The following RXRA variants were observed in gnomAD, a reference collection of about 807,000 sequenced individuals.
RXRA encodes the protein retinoic acid receptor RXR-alpha.
In RXRA, 5 loss-of-function variants were observed where a neutral mutation model predicts 44.5. The observed-to-expected ratio is 0.11, with a 90% confidence interval of 0.06 to 0.24. RXRA has a LOEUF of 0.24. Ranked by LOEUF, RXRA falls within the 10% of genes least tolerant of loss-of-function variation. RXRA has a pLI of 1.00. For synonymous variants in RXRA, 291 were observed against 271.4 expected (o/e 1.07, Z -0.71); for missense variants, 412 against 646.5 (o/e 0.64, Z 3.93).
chr9:134,382,770 G>T (rs901423273), intron 1 of RXRA, among the ~76,000 whole-genome samples: 1 of 152,212 alleles, frequency 6.6e-6, no homozygotes, highest in Non-Finnish European at 1.5e-5. Flanking sequence ...CCGTCTCTGA[G>T]CTGGGAAGAC....
At chr9:134,356,891 G>T (rs181499394) in intron 1 of RXRA, among the ~76,000 whole-genome samples, 2 of 152,304 alleles carry the variant, frequency 1.3e-5, no homozygotes, top group Admixed American at 6.5e-5. Flanking sequence ...CTGGTAGAAA[G>T]TGTCTCCCGA....
chr9:134,425,899 T>C, intron 6 of RXRA: 1 of 985,364 alleles, frequency 1.0e-6, no homozygotes, highest in Non-Finnish European at 1.2e-6. Context: ...TCCCTTGTGC[T>C]GCGGAAGTGG....
At chr9:134,379,870 C>A in intron 1 of RXRA, 1 of 985,288 alleles carries the variant, frequency 1.0e-6, no homozygotes, top group Non-Finnish European at 1.2e-6. Flanking sequence ...CTGGCCTTGG[C>A]GGCTCCAGCC....
chr9:134,361,856 G>T (rs1246937073), intron 1 of RXRA, among the ~76,000 whole-genome samples: 2 of 152,202 alleles, frequency 1.3e-5, no homozygotes, highest in East Asian at 3.9e-4. Context: ...CCAGGTAGGG[G>T]TTTCAGTGCT....
chr9:134,339,085 CG>C (rs1226892053), intron 1 of RXRA, among the ~76,000 whole-genome samples: 4 of 150,718 alleles, frequency 2.7e-5, no homozygotes, highest in African/African-American at 9.8e-5. Context: ...TGCCTGGTGT[CG>C]GGGCAGGGCT....
intron 6 of RXRA, chr9:134,425,640 G>A: frequency 1.0e-6 from 1 of 984,410 alleles, no homozygotes; most frequent in Non-Finnish European, 1.2e-6. Flanking sequence ...GGCTTAGGTA[G>A]CAGGCCCAAG....
At chr9:134,412,388 T>C (rs994417855) in intron 4 of RXRA, among the ~76,000 whole-genome samples, 1 of 152,220 alleles carries the variant, frequency 6.6e-6, no homozygotes, top group African/African-American at 2.4e-5. Context: ...AGTGCAGTGC[T>C]GCGAGGGAGT....
intron 4 of RXRA, among the ~76,000 whole-genome samples, chr9:134,415,422 C>A (rs911825596): frequency 8.2e-6 from 1 of 121,946 alleles, no homozygotes; most frequent in Non-Finnish European, 1.6e-5. Flanking sequence ...GCCACAGGCA[C>A]AGATATGTTC....
chr9:134,331,989 G>C (rs1835013690), intron 1 of RXRA, among the ~76,000 whole-genome samples: 1 of 152,238 alleles, frequency 6.6e-6, no homozygotes. Context: ...GTTCAGTGGG[G>C]ACCCTGGTGG....
intron 5 of RXRA, among the ~76,000 whole-genome samples, chr9:134,418,972 T>C (rs1831283422): frequency 6.6e-6 from 1 of 152,184 alleles, no homozygotes; most frequent in Admixed American, 6.5e-5. Flanking sequence ...CCCTGCCCTT[T>C]CTGGATAGGA....
chr9:134,363,111 G>A (rs778208222), intron 1 of RXRA, among the ~76,000 whole-genome samples: 4 of 152,300 alleles, frequency 2.6e-5, no homozygotes, highest in East Asian at 1.9e-4. Context: ...CACTTTCCCC[G>A]GGGGCTGTTG....
At chr9:134,370,488 C>T (rs1374718196) in intron 1 of RXRA, among the ~76,000 whole-genome samples, 1 of 152,244 alleles carries the variant, frequency 6.6e-6, no homozygotes, top group Admixed American at 6.5e-5. Context: ...TGGGGCATCA[C>T]CTCTACAGGA....
Position 134,342,123 on chromosome 9 carries a change from G to A in RXRA, c.28+15464G>A, listed in dbSNP as rs554964645. ...TCCCTGAAGGCGCTCTGCTGGGCCC[G>A]GGGTGGGGGCTCTCGTGCTGGCATT... is the stretch of plus-strand genomic sequence containing the variant. On this transcript the variant is annotated intron_variant, in intron 1 of 9. Coordinates refer to ENST00000481739, the MANE Select transcript of RXRA (RefSeq NM_002957.6). This position sits in a 1 kb window ranked among gnomAD's most constrained non-coding sequence, Gnocchi z 4.4. Among the ~76,000 whole-genome samples, 24 of 152,288 alleles carry A rather than the reference G, an allele frequency of 1.6e-4. No homozygotes were observed. The South Asian group carries it at 5.0e-3, about 32-fold the overall frequency.
chr9:134,335,828 A>C (rs1417355974), intron 1 of RXRA, among the ~76,000 whole-genome samples: 4 of 151,820 alleles, frequency 2.6e-5, no homozygotes, highest in Non-Finnish European at 4.4e-5. Flanking sequence ...GCCCTTCCCT[A>C]CCACCTATTC....
rs796150112 is a variant in RXRA, at chr9:134,422,041, T to C, written c.910+236T>C. On this transcript the variant is annotated intron_variant, in intron 6 of 9. Coordinates refer to ENST00000481739, the MANE Select transcript of RXRA (RefSeq NM_002957.6). ...ACTCCCCCCTCCCTGGATGCTCCCA[T>C]CTCCCAGGACGCTCCCCTCTCCCAG... 1.5e-5 allele frequency: 18 copies of C among 1,199,154 alleles called. No individual in the cohort carries two copies. The African/African-American group carries it at 3.2e-4, about 21-fold the overall frequency. The allele number at this position is 1,199,154 out of a possible 1,614,324, so 74.3% of individuals were successfully genotyped here.
intron 1 of RXRA, among the ~76,000 whole-genome samples, chr9:134,391,917 C>T (rs1366275357): frequency 1.3e-5 from 2 of 152,232 alleles, no homozygotes; most frequent in Non-Finnish European, 2.9e-5. Context: ...AGCGGCTCCC[C>T]CTTGTCACCA....
chr9:134,380,194 G>A (rs1830621840), intron 1 of RXRA: 3 of 985,204 alleles, frequency 3.0e-6, no homozygotes, highest in Non-Finnish European at 1.2e-6. Context: ...CCCCCGCGGT[G>A]TAGGCCGGAG....
At chr9:134,424,569 C>CT in intron 6 of RXRA, 1 of 985,344 alleles carries the variant, frequency 1.0e-6, no homozygotes, top group Non-Finnish European at 1.2e-6. Flanking sequence ...CACTTACTCT[C>CT]TGTGCCTCAG....
In RXRA at chr9:134,426,998, G is replaced by A. The variant is rs923108432; in HGVS notation, c.911-2110G>A. 6.9e-5 allele frequency: 68 copies of A among 985,072 alleles called. No individual in the cohort carries two copies. The highest frequency in any genetic ancestry group is 7.6e-5 in the Non-Finnish European group (63 of 829,768). 61.0% of individuals were successfully genotyped at this position (985,072 alleles called of 1,614,324 possible). A position where few individuals can be genotyped will look rare whatever the true frequency, so the allele number is the denominator to read the frequency against. On this transcript the variant is annotated intron_variant, in intron 6 of 9. Coordinates refer to ENST00000481739, the MANE Select transcript of RXRA (RefSeq NM_002957.6). The surrounding 1 kb of genome is among the most constrained non-coding windows in gnomAD (Gnocchi z 4.6). ...GGAAAACCTGACGGGCTGAGCCGTAGGAGGGGCAGGAGTGGGAGTGGGCCC... is the reference window on the plus strand; with the variant it reads ...GGAAAACCTGACGGGCTGAGCCGTAAGAGGGGCAGGAGTGGGAGTGGGCCC...
Sources: allele counts gnomAD v4.1 joint callset (sites outside exome capture counted in the v4.1 genomes callset), GRCh38; gene constraint gnomAD v4.1.1; non-coding constraint Gnocchi (gnomAD v3.1); transcripts MANE v1.5; gene names NCBI Gene and HGNC (gene_info 2026-07-23, HGNC 2026-07-21).